Variants in TECRL observed in about 807,000 individuals in gnomAD.
The protein encoded by TECRL is trans-2,3-enoyl-CoA reductase-like.
Under a neutral mutation model 52.8 loss-of-function variants are expected in TECRL, and 63 were observed. The observed-to-expected ratio is 1.19, with a 90% CI of 0.97 to 1.47. TECRL has a LOEUF of 1.47. Ranked by LOEUF, TECRL falls within the 40% of genes most tolerant of loss-of-function variation. TECRL has a pLI of 0.00. For missense variants in TECRL, 482 were observed against 429.6 expected (o/e 1.12, Z -1.08); for synonymous variants, 164 against 141.9 (o/e 1.16, Z -1.10).
chr4:64,289,605 C>T, intron 9 of TECRL, 105 bp downstream of exon 9: 1 of 895,870 alleles, frequency 1.1e-6, no homozygotes, highest in Non-Finnish European at 1.6e-6. Flanking sequence ...ACATGTATTT[C>T]CAACTATTGA....
chr4:64,280,498 C>G (rs1336561539), intron 11 of TECRL, among the ~76,000 whole-genome samples: 1 of 151,954 alleles, frequency 6.6e-6, no homozygotes, highest in Non-Finnish European at 1.5e-5. Context: ...ATAATAGTTG[C>G]CTGTATGCAT....
chr4:64,369,750 T>C (rs1721859640), intron 2 of TECRL, among the ~76,000 whole-genome samples: 1 of 152,014 alleles, frequency 6.6e-6, no homozygotes, highest in Non-Finnish European at 1.5e-5. Flanking sequence ...CATAGTATTG[T>C]CACAATTATT....
chr4:64,364,614 AT>A (rs1721465109), intron 2 of TECRL, among the ~76,000 whole-genome samples: 1 of 152,078 alleles, frequency 6.6e-6, no homozygotes, highest in Non-Finnish European at 1.5e-5. Flanking sequence ...CTCAGAGACT[AT>A]TACAAACACC....
intron 9 of TECRL, among the ~76,000 whole-genome samples, chr4:64,282,977 A>G (rs1722900514): frequency 6.6e-6 from 1 of 151,924 alleles, no homozygotes; most frequent in South Asian, 2.1e-4. Context: ...TTCTTTAGGC[A>G]TATAAGGTTT....
chr4:64,380,065 G>C (rs1162630009), intron 1 of TECRL, among the ~76,000 whole-genome samples: 2 of 151,894 alleles, frequency 1.3e-5, no homozygotes, highest in Non-Finnish European at 2.9e-5. Context: ...CATTTGTTTT[G>C]CCTTTGTCTT....
At chr4:64,391,453 T>C (rs1046270334) in intron 1 of TECRL, among the ~76,000 whole-genome samples, 5 of 151,890 alleles carry the variant, frequency 3.3e-5, no homozygotes, top group African/African-American at 1.2e-4. Flanking sequence ...TGACCAGAAC[T>C]GAGTCCTATA....
chr4:64,313,412 A>G (rs1560490841), intron 5 of TECRL, among the ~76,000 whole-genome samples: 1 of 151,662 alleles, frequency 6.6e-6, no homozygotes, highest in Non-Finnish European at 1.5e-5. Flanking sequence ...AGAGAGAGAA[A>G]GATTATTTTC....
intron 2 of TECRL, among the ~76,000 whole-genome samples, chr4:64,374,374 G>A (rs535534422): frequency 2.9e-4 from 44 of 150,694 alleles, no homozygotes; most frequent in Non-Finnish European, 4.7e-4. Flanking sequence ...TTTATTCATA[G>A]ATTCTTTTTT....
chr4:64,311,507 T>A (rs1258858687), intron 5 of TECRL, among the ~76,000 whole-genome samples: 1 of 152,166 alleles, frequency 6.6e-6, no homozygotes, highest in Non-Finnish European at 1.5e-5. Flanking sequence ...AACCCTTGAG[T>A]AATAAAATTT....
downstream of TECRL, chr4:64,276,734 A>G (rs1722588653): frequency 4.7e-6 from 1 of 210,798 alleles, no homozygotes; most frequent in African/African-American, 2.3e-5. Flanking sequence ...GATTATATAG[A>G]TTTGTTTTAT....
At chr4:64,300,612 T>TTAA (rs1723962947) in intron 7 of TECRL, among the ~76,000 whole-genome samples, 1 of 150,932 alleles carries the variant, frequency 6.6e-6, no homozygotes, top group Non-Finnish European at 1.5e-5. Flanking sequence ...GTTGGAATAT[T>TTAA]CAATAATAAT....
At chr4:64,353,415 T>C (rs192861828) in intron 2 of TECRL, among the ~76,000 whole-genome samples, 1 of 152,246 alleles carries the variant, frequency 6.6e-6, no homozygotes, top group Admixed American at 6.5e-5. Context: ...GATTAAAAGG[T>C]ATAAAGACTT....
At chr4:64,362,150 T>A (rs1721242974) in intron 2 of TECRL, among the ~76,000 whole-genome samples, 1 of 151,742 alleles carries the variant, frequency 6.6e-6, no homozygotes, top group Non-Finnish European at 1.5e-5. Flanking sequence ...CAGACAAAAA[T>A]AAAGAAAAAG....
chr4:64,407,809 A>T (rs1432715401), intron 1 of TECRL, among the ~76,000 whole-genome samples: 1 of 149,678 alleles, frequency 6.7e-6, no homozygotes, highest in Non-Finnish European at 1.5e-5. Flanking sequence ...AATATAAAAT[A>T]TTTGTGTAAT....
At chr4:64,314,554 A>G (rs1717331126) in intron 5 of TECRL, 94 bp downstream of exon 5, 2 of 902,946 alleles carry the variant, frequency 2.2e-6, no homozygotes, top group East Asian at 2.5e-5. Flanking sequence ...TTAATATTTT[A>G]CCTGCTTACT....
At chr4:64,348,464 C>T (rs1293349446) in intron 2 of TECRL, among the ~76,000 whole-genome samples, 3 of 152,186 alleles carry the variant, frequency 2.0e-5, no homozygotes, top group Admixed American at 2.0e-4. Context: ...TCACCATTGC[C>T]ATTCTTCCAG....
At chr4:64,381,218 C>T (rs949726710) in intron 1 of TECRL, among the ~76,000 whole-genome samples, 1 of 151,934 alleles carries the variant, frequency 6.6e-6, no homozygotes, top group African/African-American at 2.4e-5. Flanking sequence ...AAAAATGCTA[C>T]TGATTTTCAT....
intron 2 of TECRL, among the ~76,000 whole-genome samples, chr4:64,330,613 G>A (rs938442772): frequency 4.0e-5 from 6 of 151,896 alleles, no homozygotes; most frequent in African/African-American, 7.3e-5. Context: ...GACTAGCCTG[G>A]GCAATATAAT....
chr4:64,401,874 A>T (rs1244352404), intron 1 of TECRL, among the ~76,000 whole-genome samples: 1 of 152,126 alleles, frequency 6.6e-6, no homozygotes, highest in Non-Finnish European at 1.5e-5. Flanking sequence ...TATTTGCACA[A>T]TATGCTCCCC....
Sources: gnomAD v4.1 joint callset for allele counts (sites outside exome capture counted in the v4.1 genomes callset) on GRCh38, gnomAD v4.1.1 for gene constraint, MANE v1.5 for transcripts, NCBI Gene and HGNC (gene_info 2026-07-23, HGNC 2026-07-21) for gene names.